The following WDFY4 variants were observed in gnomAD, a reference collection of about 807,000 sequenced individuals.
WDFY4 encodes WD repeat- and FYVE domain-containing protein 4.
WDFY4 carries 169 observed loss-of-function variants against 351.9 expected under a neutral mutation model. That is an observed-to-expected ratio of 0.48 (90% CI 0.42 to 0.55). The LOEUF (loss-of-function observed/expected upper bound fraction) is 0.55. WDFY4 is among the 20% of genes least tolerant of loss of function. WDFY4 has a pLI of 0.00. For missense variants in WDFY4, 3,803 were observed against 3,935.6 expected (o/e 0.97, Z 0.90); for synonymous variants, 1,622 against 1,574.6 (o/e 1.03, Z -0.71).
At chr10:48,818,262 T>C (rs2067691073) in intron 32 of WDFY4, among the ~76,000 whole-genome samples, 1 of 152,212 alleles carries the variant, frequency 6.6e-6, no homozygotes, top group Non-Finnish European at 1.5e-5. Flanking sequence ...TGAGCAATGC[T>C]ACATAGGGGG....
chr10:48,972,777 C>T (rs904123827), intron 57 of WDFY4, among the ~76,000 whole-genome samples: 4 of 152,198 alleles, frequency 2.6e-5, no homozygotes, highest in South Asian at 2.1e-4. Flanking sequence ...AATCATACCA[C>T]CAGCAATCAA....
chr10:48,726,384 C>A (rs1218537384), intron 6 of WDFY4, among the ~76,000 whole-genome samples: 2 of 152,218 alleles, frequency 1.3e-5, no homozygotes, highest in African/African-American at 4.8e-5. Flanking sequence ...CATTATCTTG[C>A]TTGTTTCTTT....
chr10:48,749,362 A>G (rs1306381501), intron 12 of WDFY4, among the ~76,000 whole-genome samples: 1 of 152,052 alleles, frequency 6.6e-6, no homozygotes, highest in Non-Finnish European at 1.5e-5. Context: ...CAAAACACAC[A>G]CACACCACAC....
At chr10:48,712,123 G>T (rs1284010216) in intron 2 of WDFY4, among the ~76,000 whole-genome samples, 1 of 152,190 alleles carries the variant, frequency 6.6e-6, no homozygotes, top group East Asian at 1.9e-4. Flanking sequence ...GAACATGTGG[G>T]CTTTCTAGTC....
intron 11 of WDFY4, among the ~76,000 whole-genome samples, chr10:48,736,551 A>G (rs1296362089): frequency 6.6e-6 from 1 of 152,226 alleles, no homozygotes; most frequent in East Asian, 1.9e-4. Flanking sequence ...CAAATCAGCA[A>G]TGGCCAAGTA....
intron 1 of WDFY4, among the ~76,000 whole-genome samples, chr10:48,706,635 T>C (rs564306774): frequency 1.2e-4 from 19 of 152,332 alleles, no homozygotes; most frequent in Non-Finnish European, 2.4e-4. Flanking sequence ...CTTGATAGGA[T>C]TGGTGTTTCA....
At chr10:48,791,613 G>C (rs1871601) in intron 23 of WDFY4, among the ~76,000 whole-genome samples, 7,539 of 152,240 alleles carry the variant, frequency 0.05, 655 homozygotes, top group African/African-American at 0.17. Context: ...ATTTAGAATT[G>C]GTAAAGTCAG....
intron 1 of WDFY4, among the ~76,000 whole-genome samples, chr10:48,685,842 C>T (rs891453845): frequency 1.3e-5 from 2 of 149,896 alleles, no homozygotes; most frequent in African/African-American, 4.9e-5. Context: ...AAACCACGCC[C>T]TGCCAGGCTC....
chr10:48,880,479 TG>T, intron 43 of WDFY4, among the ~76,000 whole-genome samples: 1 of 152,312 alleles, frequency 6.6e-6, no homozygotes, highest in South Asian at 2.1e-4. Context: ...GGCCTTCCCG[TG>T]GCTCAGCGGG....
intron 39 of WDFY4, among the ~76,000 whole-genome samples, chr10:48,851,572 G>A (rs1007505635): frequency 6.6e-6 from 1 of 152,210 alleles, no homozygotes; most frequent in African/African-American, 2.4e-5. Flanking sequence ...TGTCATCGTG[G>A]CATCAAGTTG....
intron 47 of WDFY4, among the ~76,000 whole-genome samples, chr10:48,938,978 T>C (rs1840587680): frequency 6.6e-6 from 1 of 152,132 alleles, no homozygotes; most frequent in Middle Eastern, 3.2e-3. Flanking sequence ...CTGGCTTCAT[T>C]CGAGTTCTTC....
At chr10:48,901,256 G>A (rs1311418832) in intron 46 of WDFY4, among the ~76,000 whole-genome samples, 3 of 152,178 alleles carry the variant, frequency 2.0e-5, no homozygotes, top group Non-Finnish European at 4.4e-5. Context: ...TATATTCAAG[G>A]CCTAGTTTAG....
intron 40 of WDFY4, 44 bp downstream of exon 40, chr10:48,867,386 TC>T (rs2069587092): frequency 1.5e-6 from 2 of 1,299,020 alleles, no homozygotes; most frequent in South Asian, 1.7e-5. Flanking sequence ...CAAGCTGGAA[TC>T]CACCTTGAAC....
At chr10:48,953,475 TC>T (rs1316682455) in intron 51 of WDFY4, among the ~76,000 whole-genome samples, 2 of 152,188 alleles carry the variant, frequency 1.3e-5, no homozygotes, top group Admixed American at 6.5e-5. Flanking sequence ...GCACTGAACT[TC>T]CTGCCCAAGC....
intron 47 of WDFY4, chr10:48,914,247 G>A (rs1158750555): frequency 3.2e-5 from 44 of 1,388,074 alleles, no homozygotes; most frequent in Non-Finnish European, 4.3e-5. Flanking sequence ...TGAAAGATAA[G>A]AAAACATCTG....
At chr10:48,773,090 A>G (rs891619215) in intron 13 of WDFY4, among the ~76,000 whole-genome samples, 1 of 152,216 alleles carries the variant, frequency 6.6e-6, no homozygotes, top group African/African-American at 2.4e-5. Context: ...CAAAACCACA[A>G]TGAGATACCA....
At chr10:48,737,589 T>C (rs2064713741) in intron 11 of WDFY4, among the ~76,000 whole-genome samples, 2 of 152,206 alleles carry the variant, frequency 1.3e-5, no homozygotes, top group Admixed American at 6.5e-5. Flanking sequence ...GCGTGGTCCA[T>C]CCAAAAGTGG....
chr10:48,955,775 C>G (rs1238009049), intron 51 of WDFY4, among the ~76,000 whole-genome samples: 1 of 152,188 alleles, frequency 6.6e-6, no homozygotes, highest in Non-Finnish European at 1.5e-5. Context: ...CCTGCAGCTG[C>G]CCCCAAGGCT....
chr10:48,864,522 T>C (rs2069470728), intron 39 of WDFY4, among the ~76,000 whole-genome samples: 1 of 152,236 alleles, frequency 6.6e-6, no homozygotes, highest in Non-Finnish European at 1.5e-5. Flanking sequence ...TGTAAGTCTT[T>C]CTACATTCTT....
Sources: allele counts gnomAD v4.1 joint callset (sites outside exome capture counted in the v4.1 genomes callset), GRCh38; gene constraint gnomAD v4.1.1; transcripts MANE v1.5; gene names NCBI Gene and HGNC (gene_info 2026-07-23, HGNC 2026-07-21).